Variants in H2BC4 observed in about 807,000 individuals in gnomAD.
H2BC4 encodes histone H2B type 1-C/E/F/G/I.
A neutral mutation model predicts 6.2 loss-of-function variants in H2BC4; 10 were observed. The ratio of observed to expected loss-of-function variants is 1.61; its 90% confidence interval spans 0.99 to 2.73. The LOEUF (loss-of-function observed/expected upper bound fraction) is 2.73. Among genes scored for constraint, H2BC4 ranks in the 30% most tolerant of loss-of-function variants. H2BC4 has a pLI of 0.00. For missense variants in H2BC4, 176 were observed against 168.7 expected, an observed-to-expected ratio of 1.04 and a Z score of -0.24; for synonymous variants, 146 against 70.7, an observed-to-expected ratio of 2.07 and a Z score of -5.35.
At chr6:26,119,286 A>G (rs1276006938), downstream of H2BC4, among the ~76,000 whole-genome samples, 1 of 152,170 alleles carries the variant, frequency 6.6e-6, no homozygotes, top group South Asian at 2.1e-4. Flanking sequence ...AGGCAATCAT[A>G]TGTTCTCTTA....
chr6:26,113,385 A>T (rs1022795449), downstream of H2BC4, among the ~76,000 whole-genome samples: 2 of 152,180 alleles, frequency 1.3e-5, no homozygotes, highest in African/African-American at 4.8e-5. Flanking sequence ...GTAAGTTGTT[A>T]GATCATATTT....
chr6:26,122,330 A>G (rs527753687), downstream of H2BC4, among the ~76,000 whole-genome samples: 2 of 152,350 alleles, frequency 1.3e-5, no homozygotes, highest in South Asian at 2.1e-4. Context: ...CTTTAACACT[A>G]ATTTTATTTA....
chr6:26,123,873 G>T lies in H2BC4; in HGVS notation c.32C>A (p.Pro11Gln), dbSNP rs775202532. MPEPAKSAPA[P>Q]KKGSKKAVTK... is the part of the protein sequence containing the mutation. ...CACTGCCTTCTTGGAGCCCTTCTTC[G>T]GGGCGGGAGCAGACTTGGCTGGCTC... The change falls in exon 1 of 1, where the codon CCG (proline) becomes CAG (glutamine). Residue 11 changes from proline (P) to glutamine (Q), a missense_variant. Transcript: ENST00000396984. 6.2e-7 allele frequency: 1 copy of T among 1,614,182 alleles called. No individual in the cohort carries two copies. The highest frequency in any genetic ancestry group is 8.5e-7 in the Non-Finnish European group (1 of 1,180,038).
At chr6:26,119,277 G>C (rs1369293426), downstream of H2BC4, among the ~76,000 whole-genome samples, 6 of 152,050 alleles carry the variant, frequency 3.9e-5, no homozygotes, top group African/African-American at 1.4e-4. Context: ...TCTATTCTAA[G>C]GCAATCATAT....
At chr6:26,122,099 C>A (rs1455962841), downstream of H2BC4, among the ~76,000 whole-genome samples, 4 of 151,412 alleles carry the variant, frequency 2.6e-5, no homozygotes, top group Non-Finnish European at 5.9e-5. Flanking sequence ...GTGAGGGACT[C>A]TGGAAATTTC....
downstream of H2BC4, among the ~76,000 whole-genome samples, chr6:26,121,902 AT>A (rs992974667): frequency 1.1e-3 from 168 of 152,112 alleles, no homozygotes; most frequent in African/African-American, 4.0e-3. Flanking sequence ...AAAATACAAA[AT>A]TAGCCAGGGT....
At position 26,123,882 on chromosome 6, in the gene H2BC4, G is replaced by A. The variant is rs1173634539; in HGVS notation, c.23C>T (p.Ala8Val). 3.7e-6 allele frequency: 6 copies of A among 1,614,164 alleles called. No homozygotes were observed. Among genetic ancestry groups the A allele is most frequent in the South Asian group, 2.2e-5 (2 of 91,078 alleles). MPEPAKS[A>V]PAPKKGSKKA... ...CTTGGAGCCCTTCTTCGGGGCGGGA[G>A]CAGACTTGGCTGGCTCAGGCATCTT... is the stretch of plus-strand genomic sequence containing the variant. The change falls in exon 1 of 1, where the codon GCT becomes GTT. Residue 8 changes from alanine to valine, a missense_variant. Physicochemically the swap from Ala to Val is moderately conservative, Grantham distance 64. Coordinates refer to ENST00000396984, the MANE Select transcript of H2BC4 (RefSeq NM_003526.3).
chr6:26,117,022 C>A (rs536082618), intron 1 of H2BC4, among the ~76,000 whole-genome samples: 1 of 152,232 alleles, frequency 6.6e-6, no homozygotes, highest in African/African-American at 2.4e-5. Flanking sequence ...ATATATCCTT[C>A]CAAATCTGGA....
intron 1 of H2BC4, among the ~76,000 whole-genome samples, chr6:26,116,319 C>A (rs988963791): frequency 6.6e-6 from 1 of 152,150 alleles, no homozygotes; most frequent in African/African-American, 2.4e-5. Context: ...CTACAAATTG[C>A]GCATTGGATG....
chr6:26,118,898 G>C (rs540889024), downstream of H2BC4, among the ~76,000 whole-genome samples: 1 of 152,134 alleles, frequency 6.6e-6, no homozygotes, highest in African/African-American at 2.4e-5. Flanking sequence ...GAGAAGATTG[G>C]TTATTACATT....
At chr6:26,123,356 CCT>C (rs1196019676), downstream of H2BC4, 1 of 1,210,482 alleles carries the variant, frequency 8.3e-7, no homozygotes, top group South Asian at 1.6e-5. Flanking sequence ...ACCCTTTGTC[CCT>C]CTCTAAGCTG....
chr6:26,123,441 T>A, downstream of H2BC4: 1 of 1,568,592 alleles, frequency 6.4e-7, no homozygotes, highest in South Asian at 1.2e-5. Context: ...ATTTGGCGTC[T>A]GGCCACAGCT....
intron 1 of H2BC4, among the ~76,000 whole-genome samples, chr6:26,117,995 T>G (rs1334777319): frequency 6.6e-6 from 1 of 152,220 alleles, no homozygotes; most frequent in African/African-American, 2.4e-5. Flanking sequence ...TGTAGTATTT[T>G]CCACTGACAA....
At chr6:26,117,734 C>G (rs1193517017) in intron 1 of H2BC4, among the ~76,000 whole-genome samples, 1 of 152,020 alleles carries the variant, frequency 6.6e-6, no homozygotes, top group Admixed American at 6.6e-5. Context: ...AAGCAATGGA[C>G]TGATTTCACT....
downstream of H2BC4, among the ~76,000 whole-genome samples, chr6:26,121,381 T>C (rs1214162984): frequency 6.6e-6 from 1 of 152,114 alleles, no homozygotes; most frequent in African/African-American, 2.4e-5. Flanking sequence ...ACTTTTAGCA[T>C]GCAAAAGCCA....
Position 26,123,722 on chromosome 6 carries a change from G to C in H2BC4, c.183C>G (p.Gly61=). 6.2e-7 allele frequency: 1 copy of C among 1,614,246 alleles called. No individual in the cohort carries two copies. The highest frequency in any genetic ancestry group is 8.5e-7 in the Non-Finnish European group (1 of 1,180,050). Residue 61 remains glycine (G), a synonymous_variant, in exon 1 of 1, where the codon GGC becomes GGG. Coordinates refer to ENST00000396984, the MANE Select transcript of H2BC4 (RefSeq NM_003526.3). Reference sequence around the variant, plus strand: ...TGTCGTTAACGAAAGAATTCATGATGCCCATGGCCTTGGAAGAGATGCCAG... The same window carrying C: ...TGTCGTTAACGAAAGAATTCATGATCCCCATGGCCTTGGAAGAGATGCCAG... ...PDTGISSKAM[G]IMNSFVNDIF...
downstream of H2BC4, chr6:26,123,412 C>A (rs931533278): frequency 1.3e-6 from 2 of 1,527,506 alleles, no homozygotes; most frequent in South Asian, 1.3e-5. Context: ...ATTCTAATAC[C>A]CCTCCGCCGC....
At chr6:26,120,547 T>C (rs1257606016), downstream of H2BC4, among the ~76,000 whole-genome samples, 1 of 152,026 alleles carries the variant, frequency 6.6e-6, no homozygotes, top group Non-Finnish European at 1.5e-5. Context: ...GAGCCATAGG[T>C]TATCTATTTA....
chr6:26,118,240 T>C (rs1023669547), intron 1 of H2BC4, among the ~76,000 whole-genome samples: 2 of 152,146 alleles, frequency 1.3e-5, no homozygotes, highest in Admixed American at 1.3e-4. Context: ...TAATTACAAA[T>C]ATTATAAGAA....
Sources: allele counts gnomAD v4.1 joint callset (sites outside exome capture counted in the v4.1 genomes callset), GRCh38; gene constraint gnomAD v4.1.1; transcripts MANE v1.5; gene names NCBI Gene and HGNC (gene_info 2026-07-23, HGNC 2026-07-21).